The following SUGCT variants were observed in gnomAD, a reference collection of about 807,000 sequenced individuals.
SUGCT encodes the protein succinyl-CoA:glutarate-CoA transferase.
In SUGCT, 41 loss-of-function variants were observed where a neutral mutation model predicts 55.0. The ratio of observed to expected loss-of-function variants is 0.74; its 90% CI spans 0.58 to 0.97. SUGCT has a LOEUF of 0.97. Among genes scored for constraint, SUGCT ranks in the 50% least tolerant of loss-of-function variants. The probability of loss-of-function intolerance (pLI) is 0.00; values close to 1 mark genes in which losing one functional copy is unlikely to be tolerated. For synonymous variants in SUGCT, 187 were observed against 200.4 expected (o/e 0.93, Z 0.56); for missense variants, 568 against 547.8 (o/e 1.04, Z -0.37).
intron 7 of SUGCT, among the ~76,000 whole-genome samples, chr7:40,249,313 CTA>C (rs57348487): frequency 0.021 from 1,669 of 79,438 alleles, 41 homozygotes; most frequent in Admixed American, 0.023. Flanking sequence ...CACCAAAAAG[CTA>C]TATATATATA....
chr7:40,847,115 A>G (rs1793595416), intron 13 of SUGCT, among the ~76,000 whole-genome samples: 1 of 152,224 alleles, frequency 6.6e-6, no homozygotes, highest in Non-Finnish European at 1.5e-5. Context: ...AACTAGATTA[A>G]TGAGTTTCTC....
intron 9 of SUGCT, among the ~76,000 whole-genome samples, chr7:40,428,186 G>A (rs761419545): frequency 1.3e-5 from 2 of 152,032 alleles, no homozygotes; most frequent in Non-Finnish European, 2.9e-5. Flanking sequence ...TGTAATTATG[G>A]CTACCTCTGC....
chr7:40,215,730 C>T (rs558560177), intron 6 of SUGCT, among the ~76,000 whole-genome samples: 27 of 151,990 alleles, frequency 1.8e-4, no homozygotes, highest in South Asian at 8.3e-4. Context: ...GGCGAGGTGG[C>T]GGGCGCCTGT....
At chr7:40,264,492 C>T (rs1040467078) in intron 7 of SUGCT, among the ~76,000 whole-genome samples, 1 of 152,140 alleles carries the variant, frequency 6.6e-6, no homozygotes, top group Non-Finnish European at 1.5e-5. Context: ...GTTGCAGAGT[C>T]TGTGCCCATG....
At chr7:40,341,991 G>A (rs1158239978) in intron 9 of SUGCT, among the ~76,000 whole-genome samples, 1 of 152,224 alleles carries the variant, frequency 6.6e-6, no homozygotes, top group East Asian at 1.9e-4. Context: ...TTAAATACAT[G>A]TGAATGTGCC....
intron 13 of SUGCT, among the ~76,000 whole-genome samples, chr7:40,856,381 A>T (rs1043609948): frequency 3.9e-5 from 6 of 152,226 alleles, no homozygotes; most frequent in African/African-American, 1.4e-4. Flanking sequence ...CAATTTCCCT[A>T]TAATTTATTT....
At chr7:40,268,336 A>G (rs1220165782) in intron 7 of SUGCT, among the ~76,000 whole-genome samples, 1 of 152,202 alleles carries the variant, frequency 6.6e-6, no homozygotes, top group South Asian at 2.1e-4. Flanking sequence ...GTTCACGTAA[A>G]TGGAATTATA....
At chr7:40,905,152 T>C in the SUGCT span, among the ~76,000 whole-genome samples, 1 of 152,178 alleles carries the variant, frequency 6.6e-6, no homozygotes, top group Non-Finnish European at 1.5e-5. Context: ...CTCCAACAAA[T>C]AAATAAACTA....
chr7:40,617,894 G>A (rs34523428), intron 12 of SUGCT, among the ~76,000 whole-genome samples: 13,715 of 151,960 alleles, frequency 0.09, 663 homozygotes, highest in Middle Eastern at 0.12. Flanking sequence ...ATATGTCATC[G>A]ACTCTGAAAT....
chr7:40,842,130 A>G (rs993785092), intron 13 of SUGCT, among the ~76,000 whole-genome samples: 1 of 152,142 alleles, frequency 6.6e-6, no homozygotes, highest in Admixed American at 6.6e-5. Context: ...AACAATAAAT[A>G]GGAAAATGTT....
chr7:40,998,378 A>G, the SUGCT span, among the ~76,000 whole-genome samples: 1 of 151,858 alleles, frequency 6.6e-6, no homozygotes, highest in East Asian at 1.9e-4. Flanking sequence ...AAAAAAAAAA[A>G]GGAGCTAGGT....
chr7:40,780,102 G>T (rs1186652753), intron 13 of SUGCT, among the ~76,000 whole-genome samples: 5 of 152,084 alleles, frequency 3.3e-5, no homozygotes, highest in Non-Finnish European at 7.4e-5. Context: ...GTCATCTGTT[G>T]CCCTCCTTTG....
At chr7:40,175,803 A>G (rs1430763753) in intron 1 of SUGCT, among the ~76,000 whole-genome samples, 1 of 152,178 alleles carries the variant, frequency 6.6e-6, no homozygotes, top group Non-Finnish European at 1.5e-5. Context: ...ATGAGAGGTG[A>G]AACAAGTATC....
At chr7:40,370,825 C>G (rs1448532437) in intron 9 of SUGCT, among the ~76,000 whole-genome samples, 1 of 151,982 alleles carries the variant, frequency 6.6e-6, no homozygotes, top group African/African-American at 2.4e-5. Flanking sequence ...GCTGTAACTG[C>G]TATTTGCATT....
intron 7 of SUGCT, 127 bp from the exon 8 acceptor site, chr7:40,274,386 T>C: frequency 1.1e-6 from 1 of 882,226 alleles, no homozygotes. Flanking sequence ...TTAACTTTCT[T>C]GTGTGTATGT....
At chr7:40,736,828 A>G (rs1051937544) in intron 12 of SUGCT, among the ~76,000 whole-genome samples, 1 of 152,134 alleles carries the variant, frequency 6.6e-6, no homozygotes, top group African/African-American at 2.4e-5. Context: ...CCAACTTACT[A>G]GGAGAACTTA....
chr7:40,685,457 T>C (rs1329333368), intron 12 of SUGCT, among the ~76,000 whole-genome samples: 1 of 152,168 alleles, frequency 6.6e-6, no homozygotes, highest in Non-Finnish European at 1.5e-5. Flanking sequence ...GTTTTCCTAT[T>C]GGAAAAAGAT....
chr7:40,772,568 T>TC (rs1584417391), intron 13 of SUGCT, among the ~76,000 whole-genome samples: 10 of 139,812 alleles, frequency 7.2e-5, no homozygotes, highest in South Asian at 2.2e-4. Context: ...CTATCTGGTG[T>TC]TATCTATCTG....
At chr7:40,641,219 G>T (rs1046309398) in intron 12 of SUGCT, among the ~76,000 whole-genome samples, 28 of 152,222 alleles carry the variant, frequency 1.8e-4, no homozygotes, top group Non-Finnish European at 4.0e-4. Context: ...AAGACATTTG[G>T]CTTGGTATCT....
Sources: allele counts gnomAD v4.1 joint callset (sites outside exome capture counted in the v4.1 genomes callset), GRCh38; gene constraint gnomAD v4.1.1; transcripts MANE v1.5; gene names NCBI Gene and HGNC (gene_info 2026-07-23, HGNC 2026-07-21).